CNBD1: variants seen among roughly 807,000 people sequenced by gnomAD.
CNBD1 encodes the protein cyclic nucleotide binding domain containing 1, also known as cyclic nucleotide-binding domain-containing protein 1.
Under a neutral mutation model 54.4 loss-of-function variants are expected in CNBD1, and 71 were observed. The observed-to-expected ratio is 1.30, with a 90% CI of 1.08 to 1.59. The LOEUF (loss-of-function observed/expected upper bound fraction) is 1.59. CNBD1 is among the 40% of genes most tolerant of loss of function. The pLI is 0.00. For missense variants in CNBD1, 659 were observed against 518.0 expected (o/e 1.27, Z -2.64); for synonymous variants, 182 against 170.7 (o/e 1.07, Z -0.51).
rs140183579 is a variant in CNBD1, at chr8:87,416,154, C to A, written c.214-12392C>A. Among the ~76,000 whole-genome samples, 20 of 151,684 alleles carry A rather than the reference C, an allele frequency of 1.3e-4. 1 individual carries two copies. The highest frequency in any genetic ancestry group is 3.4e-3 in the Middle Eastern group (1 of 294). On this transcript the variant is annotated intron_variant, in intron 2 of 7. Transcript: ENST00000521593. ...CAATATATCTTCAAACCAGATAAAG[C>A]AAAATTTGACAAAAACACACAAAAA...
chr8:87,243,930 GT>G (rs1210798480), intron 6 of CNBD1, among the ~76,000 whole-genome samples: 2 of 151,870 alleles, frequency 1.3e-5, no homozygotes, highest in South Asian at 4.2e-4. Context: ...TTTATGTTTT[GT>G]TTTTTTAATT....
intron 4 of CNBD1, among the ~76,000 whole-genome samples, chr8:87,040,582 C>T (rs1037712539): frequency 6.6e-6 from 1 of 151,572 alleles, no homozygotes; most frequent in Non-Finnish European, 1.5e-5. Context: ...TGCCACCACG[C>T]CTGGATAATT....
chr8:87,113,690 C>T (rs769150196), intron 4 of CNBD1, among the ~76,000 whole-genome samples: 27 of 152,086 alleles, frequency 1.8e-4, no homozygotes, highest in Admixed American at 8.5e-4. Context: ...GAGGCCCAGG[C>T]GGGCGGATCA....
At chr8:87,273,929 C>G (rs964580309) in intron 6 of CNBD1, among the ~76,000 whole-genome samples, 21 of 123,104 alleles carry the variant, frequency 1.7e-4, no homozygotes, top group Non-Finnish European at 1.7e-4. Flanking sequence ...CCCCTCCCCC[C>G]ACCCCACAAC....
intron 3 of CNBD1, among the ~76,000 whole-genome samples, chr8:86,919,989 T>G (rs976367987): frequency 6.6e-6 from 1 of 152,104 alleles, no homozygotes; most frequent in Admixed American, 6.6e-5. Flanking sequence ...GTTTGATATG[T>G]TTCTTTTTCT....
intron 10 of CNBD1, among the ~76,000 whole-genome samples, chr8:87,365,318 A>G (rs1381716503): frequency 6.6e-6 from 1 of 151,710 alleles, no homozygotes; most frequent in Non-Finnish European, 1.5e-5. Flanking sequence ...GTATCTGTTC[A>G]TGTCTTTTGC....
chr8:87,327,325 G>C (rs1586016441), intron 8 of CNBD1, among the ~76,000 whole-genome samples: 1 of 150,080 alleles, frequency 6.7e-6, no homozygotes, highest in African/African-American at 2.5e-5. Context: ...GCTGTGGTGG[G>C]CTCCACCCAG....
intron 1 of CNBD1, among the ~76,000 whole-genome samples, chr8:86,884,555 T>C (rs1808653421): frequency 6.6e-6 from 1 of 152,180 alleles, no homozygotes. Flanking sequence ...TAGATAGGTT[T>C]AGACTTATTT....
At chr8:87,143,926 G>T (rs143387703) in intron 4 of CNBD1, among the ~76,000 whole-genome samples, 1 of 152,024 alleles carries the variant, frequency 6.6e-6, no homozygotes, top group African/African-American at 2.4e-5. Flanking sequence ...ACTGTTAAAG[G>T]GTCCCTATGA....
intron 3 of CNBD1, among the ~76,000 whole-genome samples, chr8:86,915,238 C>T (rs1160651278): frequency 6.6e-6 from 1 of 151,868 alleles, no homozygotes; most frequent in Non-Finnish European, 1.5e-5. Context: ...GTTGGTGGGT[C>T]CTGGTAGAGC....
intron 1 of CNBD1, among the ~76,000 whole-genome samples, chr8:86,869,609 C>T (rs13252370): frequency 0.45 from 67,686 of 151,988 alleles, 15,482 homozygotes; most frequent in East Asian, 0.56. Context: ...GTCTCTTTGA[C>T]TTCTGTCTCA....
At chr8:87,260,909 GC>G (rs1322355354) in intron 6 of CNBD1, among the ~76,000 whole-genome samples, 1 of 151,844 alleles carries the variant, frequency 6.6e-6, no homozygotes, top group Non-Finnish European at 1.5e-5. Context: ...TAAAATATTG[GC>G]TTTACTCTCA....
rs117763361 is a variant in CNBD1 at position 86,962,474 on chromosome 8, A to G, written c.431+22720A>G. 3.3e-5 allele frequency among the ~76,000 whole-genome samples: 5 copies of G among 152,244 alleles called. No homozygotes were observed. The East Asian group carries it at 9.7e-4, about 29-fold the overall frequency. On this transcript the variant is annotated intron_variant, in intron 4 of 10. Transcript: ENST00000518476. ...TACAGTGATTTTTATCCTTCCTGCT[A>G]CCAGTTTGCACAGAGAAAGAGAAGT...
chr8:87,421,635 C>A (rs62528190), intron 2 of CNBD1, among the ~76,000 whole-genome samples: 1 of 151,644 alleles, frequency 6.6e-6, no homozygotes, highest in South Asian at 2.1e-4. Context: ...TAGTATTCCA[C>A]GGTGTATATG....
chr8:86,941,220 G>A lies in CNBD1; in HGVS notation c.431+1466G>A, dbSNP rs534150529. On this transcript the variant is annotated intron_variant, in intron 4 of 10. Coordinates refer to ENST00000518476, the MANE Select transcript of CNBD1 (RefSeq NM_173538.3). Reference sequence around the variant, plus strand: ...AGCAGGTATGAGGGAATTATAGAAGGAAATCTTAACCACCTGTCATAGAAG... The same window carrying A: ...AGCAGGTATGAGGGAATTATAGAAGAAAATCTTAACCACCTGTCATAGAAG... Among the ~76,000 whole-genome samples the A allele has an allele frequency of 2.6e-3, 391 of 151,854 alleles. 1 individual carries two copies. Among genetic ancestry groups the A allele is most frequent in the African/African-American group, 9.1e-3 (378 of 41,398 alleles).
intron 4 of CNBD1, among the ~76,000 whole-genome samples, chr8:87,123,488 C>G (rs1811929443): frequency 6.6e-6 from 1 of 151,550 alleles, no homozygotes; most frequent in Non-Finnish European, 1.5e-5. Context: ...ATAAACATAA[C>G]ACATCCCCAA....
At chr8:86,920,970 G>A (rs368303225) in intron 3 of CNBD1, among the ~76,000 whole-genome samples, 4 of 151,910 alleles carry the variant, frequency 2.6e-5, no homozygotes, top group East Asian at 1.9e-4. Context: ...AAATGTGTGA[G>A]AGCAGAAAAT....
At chr8:87,353,809 A>C in intron 10 of CNBD1, 23 bp downstream of exon 10, 1 of 1,559,230 alleles carries the variant, frequency 6.4e-7, no homozygotes, top group Non-Finnish European at 8.7e-7. Flanking sequence ...ATATCTTTTA[A>C]CTGTTATACC....
chr8:87,341,198 G>T (rs1016233140), intron 8 of CNBD1, among the ~76,000 whole-genome samples: 1 of 151,878 alleles, frequency 6.6e-6, no homozygotes, highest in Non-Finnish European at 1.5e-5. Context: ...GCTCTCCCTA[G>T]TGTCTGCTTG....
Sources: allele counts gnomAD v4.1 joint callset (sites outside exome capture counted in the v4.1 genomes callset), GRCh38; gene constraint gnomAD v4.1.1; transcripts MANE v1.5; gene names NCBI Gene and HGNC (gene_info 2026-07-23, HGNC 2026-07-21).